KMT2C: variants seen among roughly 807,000 people sequenced by gnomAD.
The protein encoded by KMT2C is lysine methyltransferase 2C, also known as histone-lysine N-methyltransferase 2C.
A neutral mutation model predicts 507.9 loss-of-function variants in KMT2C; 88 were observed. The observed-to-expected ratio is 0.17, with a 90% CI of 0.15 to 0.21. The LOEUF (loss-of-function observed/expected upper bound fraction) is 0.21, where lower values mean the gene tolerates loss of function less well. KMT2C is among the 10% of genes least tolerant of loss of function. The pLI, the probability that KMT2C is intolerant of heterozygous loss-of-function variation, is 1.00. For synonymous variants in KMT2C, 2,049 were observed against 2,080.8 expected, an observed-to-expected ratio of 0.98 and a Z score of 0.42; for missense variants, 4,954 against 5,957.8, an observed-to-expected ratio of 0.83 and a Z score of 5.55.
chr7:152,290,599 C>A (rs1053753912), intron 6 of KMT2C, among the ~76,000 whole-genome samples: 1 of 151,536 alleles, frequency 6.6e-6, no homozygotes, highest in Non-Finnish European at 1.5e-5. Context: ...TAAACCACTG[C>A]GCCCGGCCCA....
intron 32 of KMT2C, 41 bp from the exon 33 acceptor site, chr7:152,187,517 A>T (rs764257267): frequency 4.5e-6 from 7 of 1,549,990 alleles, no homozygotes; most frequent in East Asian, 2.3e-5. Context: ...AACATAAAAT[A>T]ACTTCTTAAT....
chr7:152,235,613 G>C (rs1350647427), intron 16 of KMT2C, among the ~76,000 whole-genome samples: 2 of 152,136 alleles, frequency 1.3e-5, no homozygotes, highest in South Asian at 2.1e-4. Context: ...AGGAGTCAAA[G>C]AGGAAGGTAA....
At chr7:152,158,512 T>G (rs957242123) in intron 44 of KMT2C, among the ~76,000 whole-genome samples, 33 of 134,318 alleles carry the variant, frequency 2.5e-4, no homozygotes, top group East Asian at 9.9e-4. Flanking sequence ...GAATTGTTTG[T>G]TTTTTTTTTG....
chr7:152,430,493 TCTAACACGTCCCCAC>T (rs1485797792), intron 1 of KMT2C, among the ~76,000 whole-genome samples: 2 of 152,158 alleles, frequency 1.3e-5, no homozygotes, highest in African/African-American at 2.4e-5. Context: ...AACGAGGGTA[TCTAACACGTCCCCAC>T]CAGGCAAGAG....
rs538306045 is a variant in KMT2C, at chr7:152,197,056, C to T, written c.4274-1045G>A. ...TGACTAATATTTTAAAGGGAACATA[C>T]TGGCTGCTATATGTAGAGCAGATGA... On this transcript the variant is annotated intron_variant, in intron 27 of 58. Coordinates refer to ENST00000262189, the MANE Select transcript of KMT2C (RefSeq NM_170606.3). Among the ~76,000 whole-genome samples, 3 of 152,154 alleles carry T rather than the reference C, an allele frequency of 2.0e-5. No individual in the cohort carries two copies. In the East Asian group the frequency reaches 5.8e-4, roughly 29 times the overall value.
Position 152,178,024 on chromosome 7 carries a change from A to T in KMT2C, c.7443-14T>A, listed in dbSNP as rs760946510. 263 of 1,372,892 alleles carry T rather than the reference A, an allele frequency of 1.9e-4. 1 individual carries two copies. In the African/African-American group the frequency reaches 3.3e-3, roughly 17 times the overall value. The allele number at this position is 1,372,892 out of a possible 1,614,324, so 85.0% of individuals were successfully genotyped here. On this transcript the variant is annotated splice_polypyrimidine_tract_variant and intron_variant, in intron 37 of 58. Coordinates refer to ENST00000262189, the MANE Select transcript of KMT2C (RefSeq NM_170606.3). ...GGAAATCCAAATCTTTTAAAAAAAA[A>T]AAAAAAAAAAAAAAAAAAGCAAATA...
chr7:152,358,733 T>C lies in KMT2C; in HGVS notation c.162-58A>G, dbSNP rs2097172559. 3.6e-6 allele frequency: 4 copies of C among 1,109,380 alleles called. No individual in the cohort carries two copies. In the African/African-American group the frequency reaches 4.7e-5, roughly 13 times the overall value. The allele number at this position is 1,109,380 out of a possible 1,614,324, so 68.7% of individuals were successfully genotyped here. A position where few individuals can be genotyped will look rare whatever the true frequency, so the allele number is the denominator to read the frequency against. On this transcript the variant is annotated intron_variant, in intron 1 of 58. Coordinates refer to ENST00000262189, the MANE Select transcript of KMT2C (RefSeq NM_170606.3). The stretch of plus-strand genomic sequence containing the variant: ...GAGTTAAATGTTAAATTTTAAGGCT[T>C]AGACTTATATTCAACATAAGGCACA...
intron 43 of KMT2C, among the ~76,000 whole-genome samples, chr7:152,161,214 C>T (rs917597347): frequency 6.6e-6 from 1 of 152,144 alleles, no homozygotes; most frequent in South Asian, 2.1e-4. Context: ...ATCAAGTCAA[C>T]ACTCAATCTC....
At chr7:152,190,036 A>G (rs988360020) in intron 31 of KMT2C, among the ~76,000 whole-genome samples, 2 of 152,082 alleles carry the variant, frequency 1.3e-5, no homozygotes, top group Non-Finnish European at 2.9e-5. Context: ...CGCAAACCCT[A>G]TTGTGAAGTG....
intron 25 of KMT2C, 24 bp downstream of exon 25, chr7:152,205,080 AAT>A (rs1491513600): frequency 1.3e-6 from 2 of 1,520,984 alleles, no homozygotes; most frequent in Non-Finnish European, 1.8e-6. Flanking sequence ...TTAAAAAAAA[AAT>A]TTTTTTTTAA....
chr7:152,242,236 TC>T (rs1443220848), intron 14 of KMT2C, among the ~76,000 whole-genome samples: 1 of 152,196 alleles, frequency 6.6e-6, no homozygotes, highest in Non-Finnish European at 1.5e-5. Flanking sequence ...AGCACCCTGT[TC>T]AGCACTTATT....
chr7:152,274,241 G>C (rs1448576805), intron 6 of KMT2C, among the ~76,000 whole-genome samples: 1 of 151,728 alleles, frequency 6.6e-6, no homozygotes. Context: ...ACCAAAACTA[G>C]TAATAGGAAC....
chr7:152,236,397 T>G (rs2095275671), intron 15 of KMT2C, among the ~76,000 whole-genome samples: 1 of 152,196 alleles, frequency 6.6e-6, no homozygotes, highest in South Asian at 2.1e-4. Context: ...CTCTCAACAA[T>G]CCCATATAGT....
chr7:152,230,631 G>A (rs1282488954), intron 16 of KMT2C, among the ~76,000 whole-genome samples: 2 of 152,144 alleles, frequency 1.3e-5, no homozygotes, highest in East Asian at 1.9e-4. Context: ...ATATATGTAT[G>A]TACCCACACA....
chr7:152,315,144 T>C lies in KMT2C; in HGVS notation c.584A>G (p.Gln195Arg), dbSNP rs2129202465. The C allele has an allele frequency of 1.2e-6, 2 of 1,613,832 alleles. No individual in the cohort carries two copies. Among genetic ancestry groups the C allele is most frequent in the Non-Finnish European group, 1.7e-6 (2 of 1,179,772 alleles). The change falls in exon 4 of 59, where the codon CAG (glutamine) becomes CGG (arginine). Residue 195 changes from glutamine (Q) to arginine (R), a missense_variant. Gln to Arg is a conservative substitution (Grantham distance 43). This residue lies in a region of KMT2C where 233 missense variants were observed against 263.6 expected (regional missense o/e 0.88). Coordinates refer to ENST00000262189, the MANE Select transcript of KMT2C (RefSeq NM_170606.3). ...TAAAGTCGAAACTGCTTACTTTCTC[T>C]GTCCTCTTTGTTTTCGTGGTGCTGA... ...QNSAPRKQRG[Q>R]RKERSPQQNI...
chr7:152,290,785 A>T lies in KMT2C; in HGVS notation c.850-16918T>A, dbSNP rs1170698998. Among the ~76,000 whole-genome samples, 33 of 152,258 alleles carry T rather than the reference A, an allele frequency of 2.2e-4. 1 individual carries two copies. The highest frequency in any genetic ancestry group is 4.4e-5 in the Non-Finnish European group (3 of 68,026). On this transcript the variant is annotated intron_variant, in intron 6 of 58. Coordinates refer to ENST00000262189, the MANE Select transcript of KMT2C (RefSeq NM_170606.3). ...TTCATTCTTATAGTATCTTTTAATA[A>T]ACAGAAGTTATTTCTCAAATGTAGT...
chr7:152,157,436 C>T (rs369812417), intron 44 of KMT2C, among the ~76,000 whole-genome samples: 2 of 151,700 alleles, frequency 1.3e-5, no homozygotes, highest in Admixed American at 6.6e-5. Context: ...TAAACTACTA[C>T]TTTTTTTAAA....
chr7:152,284,654 A>G (rs2096267775), intron 6 of KMT2C, among the ~76,000 whole-genome samples: 1 of 152,204 alleles, frequency 6.6e-6, no homozygotes, highest in African/African-American at 2.4e-5. Flanking sequence ...AAATATTTAT[A>G]AAATGCATCT....
intron 57 of KMT2C, 48 bp downstream of exon 57, chr7:152,139,138 T>A (rs2090218605): frequency 6.4e-7 from 1 of 1,566,976 alleles, no homozygotes. Context: ...CCACCAGCAC[T>A]GGCCCCACAA....
Sources: allele counts gnomAD v4.1 joint callset (sites outside exome capture counted in the v4.1 genomes callset), GRCh38; gene constraint gnomAD v4.1.1; regional missense constraint gnomAD v4.1.1; transcripts MANE v1.5; gene names NCBI Gene and HGNC (gene_info 2026-07-23, HGNC 2026-07-21).